The following PPFIBP2 variants were observed in gnomAD, a reference collection of about 807,000 sequenced individuals.
The protein encoded by PPFIBP2 is liprin-beta-2.
In PPFIBP2, 118 loss-of-function variants were observed where a neutral mutation model predicts 118.3. The observed-to-expected ratio is 1.00, with a 90% CI of 0.86 to 1.16. PPFIBP2 has a LOEUF of 1.16. Among genes scored for constraint, PPFIBP2 ranks in the 50% most tolerant of loss-of-function variants. The pLI, the probability that PPFIBP2 is intolerant of heterozygous loss-of-function variation, is 0.00. For synonymous variants in PPFIBP2, 414 were observed against 397.4 expected (o/e 1.04, Z -0.50); for missense variants, 1,195 against 1,073.1 (o/e 1.11, Z -1.59).
Position 7,597,693 on chromosome 11 carries a change from A to G in PPFIBP2, c.486+20A>G. ...CAACAGGTAAGGGCGGGTGCACTGA[A>G]GGCCCTTGGGTGCCGAAGCAGCTCA... On this transcript the variant is annotated intron_variant, in intron 5 of 23. Transcript: ENST00000299492. 6.3e-7 allele frequency: 1 copy of G among 1,596,144 alleles called. No individual in the cohort carries two copies. Among genetic ancestry groups the G allele is most frequent in the Non-Finnish European group, 8.6e-7 (1 of 1,164,872 alleles).
chr11:7,528,296 C>T (rs544810343), intron 1 of PPFIBP2, among the ~76,000 whole-genome samples: 1 of 152,236 alleles, frequency 6.6e-6, no homozygotes, highest in Admixed American at 6.5e-5. Context: ...CATGCATACA[C>T]ATATATATTT....
At chr11:7,519,751 G>A (rs565664160) in intron 1 of PPFIBP2, among the ~76,000 whole-genome samples, 17 of 152,234 alleles carry the variant, frequency 1.1e-4, no homozygotes, top group African/African-American at 3.4e-4. Context: ...TTCCTGGAAC[G>A]GGATCAAATG....
At chr11:7,640,923 C>T (rs912913411) in intron 15 of PPFIBP2, 1 of 903,108 alleles carries the variant, frequency 1.1e-6, no homozygotes, top group African/African-American at 1.7e-5. Context: ...TTCTCTCTTG[C>T]TCGATGACAC....
At chr11:7,610,573 A>T (rs1226859356) in intron 6 of PPFIBP2, 151 bp downstream of exon 6, 1 of 1,157,756 alleles carries the variant, frequency 8.6e-7, no homozygotes, top group East Asian at 2.4e-5. Context: ...ATACCAAGTT[A>T]TCAGGTTTTG....
At chr11:7,648,944 T>C in intron 19 of PPFIBP2, 33 bp downstream of exon 19, 2 of 1,569,318 alleles carry the variant, frequency 1.3e-6, no homozygotes, top group South Asian at 2.2e-5. Context: ...TAAGAATGTC[T>C]CTGGCAGCAA....
chr11:7,585,922 T>C (rs2135117377), intron 3 of PPFIBP2, among the ~76,000 whole-genome samples: 1 of 152,354 alleles, frequency 6.6e-6, no homozygotes, highest in Non-Finnish European at 1.5e-5. Context: ...AAATTCCCAG[T>C]GTACTCATTA....
chr11:7,651,037 C>CAA, intron 22 of PPFIBP2, 72 bp downstream of exon 22: 1 of 1,499,994 alleles, frequency 6.7e-7, no homozygotes, highest in Non-Finnish European at 9.0e-7. Context: ...TTATTAAGGA[C>CAA]AAGGCACAAA....
At chr11:7,517,573 A>G (rs11041425) in intron 1 of PPFIBP2, among the ~76,000 whole-genome samples, 150,671 of 150,672 alleles carry the variant, frequency 1, 75,335 homozygotes, top group Non-Finnish European at 1. Context: ...TGGGAATGAG[A>G]CCAGGTTTGG....
intron 1 of PPFIBP2, among the ~76,000 whole-genome samples, chr11:7,529,382 C>T (rs1379540676): frequency 3.3e-5 from 5 of 152,224 alleles, no homozygotes; most frequent in Non-Finnish European, 4.4e-5. Context: ...TGTTACACAT[C>T]GTATATGGAA....
chr11:7,632,738 T>C, intron 11 of PPFIBP2, 129 bp from the exon 12 acceptor site: 1 of 684,870 alleles, frequency 1.5e-6, no homozygotes, highest in Non-Finnish European at 2.6e-6. Flanking sequence ...TCTATAATGA[T>C]GTATCCACCA....
intron 2 of PPFIBP2, among the ~76,000 whole-genome samples, chr11:7,556,444 T>C (rs1853644431): frequency 2.0e-5 from 3 of 152,190 alleles, no homozygotes; most frequent in Admixed American, 2.0e-4. Context: ...CCAGACTCTG[T>C]CTCAAAAAAT....
chr11:7,654,033 C>G (rs1027808994), downstream of PPFIBP2, among the ~76,000 whole-genome samples: 2 of 152,212 alleles, frequency 1.3e-5, no homozygotes, highest in African/African-American at 4.8e-5. Context: ...TAGGGTCCAT[C>G]TGTCGTGCAG....
intron 2 of PPFIBP2, among the ~76,000 whole-genome samples, chr11:7,552,268 C>A (rs77924639): frequency 6.6e-6 from 1 of 152,078 alleles, no homozygotes; most frequent in Non-Finnish European, 1.5e-5. Flanking sequence ...TGTTGACATG[C>A]GTAAGGTGCT....
At chr11:7,584,699 C>T (rs1285529000) in intron 3 of PPFIBP2, among the ~76,000 whole-genome samples, 3 of 152,202 alleles carry the variant, frequency 2.0e-5, no homozygotes, top group African/African-American at 7.2e-5. Flanking sequence ...AGTCCTGTAA[C>T]AGGAATTGAC....
In PPFIBP2 at chr11:7,541,949, A is replaced by G. The variant is rs145031531; in HGVS notation, c.-36-7491A>G. Among the ~76,000 whole-genome samples the G allele has an allele frequency of 4.1e-3, 625 of 152,290 alleles. 5 individuals carry two copies. Among genetic ancestry groups the G allele is most frequent in the Non-Finnish European group, 6.3e-3 (431 of 68,022 alleles). On this transcript the variant is annotated intron_variant, in intron 1 of 23. Transcript: ENST00000299492. ...GTAAATCTTATGGGCTTTGTCCCCA[A>G]GGTATATCAGGAATTAGAACATCTA...
chr11:7,622,536 A>G (rs115975881), intron 7 of PPFIBP2, among the ~76,000 whole-genome samples: 2,357 of 152,354 alleles, frequency 0.015, 55 homozygotes, highest in African/African-American at 0.054. Flanking sequence ...AAAAGAAAGC[A>G]CTGAACATAT....
chr11:7,596,802 C>A (rs4312055), intron 4 of PPFIBP2, among the ~76,000 whole-genome samples: 50,364 of 151,932 alleles, frequency 0.33, 8,627 homozygotes, highest in East Asian at 0.45. Context: ...ATCCTGGGGC[C>A]GTTTGCTAAT....
intron 2 of PPFIBP2, among the ~76,000 whole-genome samples, chr11:7,563,962 G>A (rs1047070975): frequency 7.2e-5 from 11 of 152,120 alleles, no homozygotes; most frequent in African/African-American, 2.7e-4. Context: ...TCAGGAGATT[G>A]AGACCATCCT....
intron 17 of PPFIBP2, 56 bp downstream of exon 17, chr11:7,642,482 C>T: frequency 6.4e-7 from 1 of 1,556,554 alleles, no homozygotes; most frequent in Non-Finnish European, 8.7e-7. Context: ...AAGTATCTCC[C>T]TTCAAACCTG....
Sources: gnomAD v4.1 joint callset for allele counts (sites outside exome capture counted in the v4.1 genomes callset) on GRCh38, gnomAD v4.1.1 for gene constraint, MANE v1.5 for transcripts, NCBI Gene and HGNC (gene_info 2026-07-23, HGNC 2026-07-21) for gene names.